The following KCNK18 variants were observed in gnomAD, a reference collection of about 807,000 sequenced individuals.
KCNK18 encodes the protein potassium two pore domain channel subfamily K member 18.
In KCNK18, 8 loss-of-function variants were observed where a neutral mutation model predicts 11.8. The observed-to-expected ratio is 0.68, with a 90% confidence interval of 0.40 to 1.22. The LOEUF (loss-of-function observed/expected upper bound fraction) is 1.22. KCNK18 is among the 50% of genes most tolerant of loss of function. The probability of loss-of-function intolerance (pLI) is 0.01; values close to 1 mark genes in which losing one functional copy is unlikely to be tolerated. For missense variants in KCNK18, 442 were observed against 465.4 expected (o/e 0.95, Z 0.46); for synonymous variants, 208 against 185.8 (o/e 1.12, Z -0.97).
chr10:117,198,094 G>C (rs1325701577), intron 1 of KCNK18, among the ~76,000 whole-genome samples: 1 of 152,092 alleles, frequency 6.6e-6, no homozygotes, highest in Non-Finnish European at 1.5e-5. Context: ...GGGGTTGGGG[G>C]GCTAGCTTGC....
chr10:117,208,953 C>A (rs912343944), intron 2 of KCNK18, among the ~76,000 whole-genome samples: 2 of 152,144 alleles, frequency 1.3e-5, no homozygotes, highest in Non-Finnish European at 2.9e-5. Flanking sequence ...ATTGGCCAGG[C>A]TGGTCTTGAA....
intron 2 of KCNK18, 57 bp downstream of exon 2, chr10:117,201,344 G>C: frequency 6.3e-7 from 1 of 1,597,168 alleles, no homozygotes; most frequent in Non-Finnish European, 8.5e-7. Flanking sequence ...GGGTTTCTGG[G>C]TGGCAAAGGA....
In KCNK18 at chr10:117,210,273, A is replaced by G; in HGVS notation, c.1129A>G (p.Lys377Glu). The G allele has an allele frequency of 6.2e-7, 1 of 1,613,878 alleles. No individual in the cohort carries two copies. Among genetic ancestry groups the G allele is most frequent in the South Asian group, 1.1e-5 (1 of 91,082 alleles). Residue 377 changes from lysine (K) to glutamate (E), a missense_variant, in exon 3 of 3, where the codon AAG becomes GAG. Coordinates refer to ENST00000334549, the MANE Select transcript of KCNK18 (RefSeq NM_181840.1). ...KNVMLFFAKG[K>E]FYHLVKK ...TGTTATGCTATTCTTTGCAAAAGGG[A>G]AGTTTTACCACCTTGTTAAAAAGTG...
chr10:117,200,434 G>T (rs1854999476), intron 1 of KCNK18, among the ~76,000 whole-genome samples: 1 of 80,338 alleles, frequency 1.2e-5, no homozygotes, highest in African/African-American at 3.6e-5. Context: ...CTGTGTAACA[G>T]CTTGCTTTTC....
At position 117,197,593 on chromosome 10, in the gene KCNK18, G is replaced by A. The variant is rs1854965874; in HGVS notation, c.105G>A (p.Leu35=). The A allele has an allele frequency of 1.2e-6, 2 of 1,614,074 alleles. No individual in the cohort carries two copies. Among genetic ancestry groups the A allele is most frequent in the Non-Finnish European group, 1.7e-6 (2 of 1,180,014 alleles). Reference sequence around the variant, plus strand: ...TCTGCTTTCTGGTGACCTACGCCCTGGTGGGTGCTGTGGTCTTCTCTGCCA... The same window carrying A: ...TCTGCTTTCTGGTGACCTACGCCCTAGTGGGTGCTGTGGTCTTCTCTGCCA... The part of the protein sequence containing the change: ...CFLCFLVTYA[L]VGAVVFSAIE... The change falls in exon 1 of 3, where the codon CTG becomes CTA. Residue 35 remains leucine, a synonymous_variant. Coordinates refer to ENST00000334549, the MANE Select transcript of KCNK18 (RefSeq NM_181840.1).
At position 117,210,287 on chromosome 10, in the gene KCNK18, T is replaced by C. The variant is rs1843748797; in HGVS notation, c.1143T>C (p.Leu381=). The change falls in exon 3 of 3, where the codon CTT becomes CTC. Residue 381 remains leucine, a synonymous_variant. Transcript: ENST00000334549. ...TTGCAAAAGGGAAGTTTTACCACCT[T>C]GTTAAAAAGTGAAGGTTTCATTATC... ...LFFAKGKFYH[L]VKK The C allele has an allele frequency of 3.1e-6, 5 of 1,612,586 alleles. No individual in the cohort carries two copies. In the South Asian group the frequency reaches 5.5e-5, roughly 18 times the overall value.
chr10:117,201,085 C>A, intron 1 of KCNK18, 74 bp from the exon 2 acceptor site: 3 of 1,578,764 alleles, frequency 1.9e-6, no homozygotes, highest in Non-Finnish European at 2.6e-6. Context: ...GGAAGACTAT[C>A]CCTTTCACTG....
At chr10:117,208,672 C>T (rs1435225426) in intron 2 of KCNK18, among the ~76,000 whole-genome samples, 1 of 151,970 alleles carries the variant, frequency 6.6e-6, no homozygotes, top group Non-Finnish European at 1.5e-5. Context: ...CACTGCTGAG[C>T]ACACCATGGG....
At chr10:117,209,423 G>A (rs1564992459) in intron 2 of KCNK18, 74 bp from the exon 3 acceptor site, 2 of 1,184,490 alleles carry the variant, frequency 1.7e-6, no homozygotes, top group Non-Finnish European at 1.3e-6. Context: ...GATGGCAGAA[G>A]GTCTCTTTAA....
Position 117,197,609 on chromosome 10 carries a change from T to C in KCNK18, c.121T>C (p.Phe41Leu). The C allele has an allele frequency of 6.2e-7, 1 of 1,614,166 alleles. No individual in the cohort carries two copies. The highest frequency in any genetic ancestry group is 8.5e-7 in the Non-Finnish European group (1 of 1,179,966). Residue 41 changes from phenylalanine to leucine, a missense_variant, in exon 1 of 3, where the codon TTC (phenylalanine) becomes CTC (leucine). Coordinates refer to ENST00000334549, the MANE Select transcript of KCNK18 (RefSeq NM_181840.1). ...CTACGCCCTGGTGGGTGCTGTGGTC[T>C]TCTCTGCCATTGAGGACGGCCAGGT... Reference protein sequence around the residue: ...VTYALVGAVVFSAIEDGQVLV... With the variant: ...VTYALVGAVVLSAIEDGQVLV...
chr10:117,200,426 G>C (rs376595066), intron 1 of KCNK18, among the ~76,000 whole-genome samples: 2 of 151,914 alleles, frequency 1.3e-5, no homozygotes, highest in African/African-American at 4.8e-5. Context: ...ATTTGCATCT[G>C]TGTAACAGCT....
In KCNK18 at chr10:117,197,584, C is replaced by G. The variant is rs779380244; in HGVS notation, c.96C>G (p.Thr32=). ...PGLCFLCFLV[T]YALVGAVVFS... ...TCTGCTTCCTCTGCTTTCTGGTGAC[C>G]TACGCCCTGGTGGGTGCTGTGGTCT... The change falls in exon 1 of 3, where the codon ACC becomes ACG. Residue 32 remains threonine, a synonymous_variant. Transcript: ENST00000334549. The G allele has an allele frequency of 2.0e-5, 33 of 1,614,104 alleles. No individual in the cohort carries two copies. In the Admixed American group the frequency reaches 3.7e-4, roughly 18 times the overall value.
intron 2 of KCNK18, among the ~76,000 whole-genome samples, chr10:117,206,837 C>T (rs1465181409): frequency 2.0e-5 from 3 of 152,312 alleles, no homozygotes; most frequent in Non-Finnish European, 4.4e-5. Context: ...CAGTCACCCC[C>T]TTGGTATATG....
chr10:117,208,711 G>T (rs2803827), intron 2 of KCNK18, among the ~76,000 whole-genome samples: 110,388 of 151,294 alleles, frequency 0.73, 40,824 homozygotes, highest in Middle Eastern at 0.8. Context: ...TAGAAACAAA[G>T]AGCTCAGTCC....
At chr10:117,201,559 C>T (rs1331925775) in intron 2 of KCNK18, among the ~76,000 whole-genome samples, 1 of 152,240 alleles carries the variant, frequency 6.6e-6, no homozygotes, top group African/African-American at 2.4e-5. Context: ...ATTGTTCCCA[C>T]TCCAGCAGGT....
intron 1 of KCNK18, among the ~76,000 whole-genome samples, chr10:117,199,694 AC>A (rs1388814391): frequency 6.6e-6 from 1 of 152,192 alleles, no homozygotes; most frequent in East Asian, 1.9e-4. Flanking sequence ...TGATGGGGAA[AC>A]TGAGGCTCAG....
intron 2 of KCNK18, 147 bp from the exon 3 acceptor site, chr10:117,209,350 G>A: frequency 1.3e-6 from 1 of 782,534 alleles, no homozygotes; most frequent in Admixed American, 1.8e-5. Flanking sequence ...CAGACCAGTG[G>A]CTGAATGCTT....
chr10:117,208,933 G>T (rs767182232), intron 2 of KCNK18, among the ~76,000 whole-genome samples: 1 of 152,008 alleles, frequency 6.6e-6, no homozygotes, highest in Non-Finnish European at 1.5e-5. Context: ...TTGAGATAGG[G>T]TTTCACTATA....
chr10:117,210,045 C>T lies in KCNK18; in HGVS notation c.901C>T (p.Leu301Phe). Residue 301 changes from leucine (L) to phenylalanine (F), a missense_variant, in exon 3 of 3, where the codon CTC (leucine) becomes TTC (phenylalanine). By Grantham distance (22) the Leu-to-Phe change is conservative (BLOSUM62 0). Transcript: ENST00000334549. ...FAYISCAAAI[L>F]PFWETQLDFE... ...CTACATTTCCTGTGCAGCTGCCATC[C>T]TCCCCTTCTGGGAGACACAGTTGGA... The T allele has an allele frequency of 6.2e-7, 1 of 1,614,228 alleles. No homozygotes were observed. The highest frequency in any genetic ancestry group is 8.5e-7 in the Non-Finnish European group (1 of 1,180,034).
Sources: gnomAD v4.1 joint callset for allele counts (sites outside exome capture counted in the v4.1 genomes callset) on GRCh38, gnomAD v4.1.1 for gene constraint, MANE v1.5 for transcripts, NCBI Gene and HGNC (gene_info 2026-07-23, HGNC 2026-07-21) for gene names.